The following MCTP1 variants were observed in gnomAD, a reference collection of about 807,000 sequenced individuals.
The protein encoded by MCTP1 is multiple C2 and transmembrane domain containing 1, also known as multiple C2 and transmembrane domain-containing protein 1.
A neutral mutation model predicts 120.6 loss-of-function variants in MCTP1; 69 were observed. That is an observed-to-expected ratio of 0.57 (90% CI 0.47 to 0.70). The LOEUF (loss-of-function observed/expected upper bound fraction) is 0.70. Among genes scored for constraint, MCTP1 ranks in the 30% least tolerant of loss-of-function variants. The probability of loss-of-function intolerance (pLI) is 0.00; values close to 1 mark genes in which losing one functional copy is unlikely to be tolerated. For missense variants in MCTP1, 1,203 were observed against 1,248.8 expected, an observed-to-expected ratio of 0.96 and a Z score of 0.55; for synonymous variants, 529 against 493.1, an observed-to-expected ratio of 1.07 and a Z score of -0.96.
intron 2 of MCTP1, among the ~76,000 whole-genome samples, chr5:95,004,915 C>T: frequency 6.6e-6 from 1 of 152,160 alleles, no homozygotes; most frequent in East Asian, 1.9e-4. Context: ...AGAGGGCAAC[C>T]AGACTCCAGA....
intron 1 of MCTP1, among the ~76,000 whole-genome samples, chr5:95,195,566 A>G (rs946403646): frequency 9.9e-5 from 15 of 152,208 alleles, no homozygotes; most frequent in African/African-American, 3.4e-4. Context: ...AGTGGGGAGC[A>G]GAAAGGGTTT....
At chr5:94,901,972 C>G (rs1347456075) in intron 10 of MCTP1, among the ~76,000 whole-genome samples, 1 of 152,110 alleles carries the variant, frequency 6.6e-6, no homozygotes, top group Non-Finnish European at 1.5e-5. Flanking sequence ...TCACATAGGC[C>G]TCAAGTATTT....
intron 1 of MCTP1, among the ~76,000 whole-genome samples, chr5:95,184,523 G>A (rs975213879): frequency 6.6e-6 from 1 of 152,110 alleles, no homozygotes; most frequent in Non-Finnish European, 1.5e-5. Context: ...CCGGGTGTAG[G>A]GCAAACTAAC....
intron 1 of MCTP1, among the ~76,000 whole-genome samples, chr5:95,176,841 A>C (rs1417379450): frequency 1.3e-5 from 2 of 152,054 alleles, no homozygotes; most frequent in Non-Finnish European, 2.9e-5. Context: ...ACTGTCTCAA[A>C]TATAAAAAAT....
chr5:95,076,605 C>T (rs1753638255), intron 1 of MCTP1, among the ~76,000 whole-genome samples: 1 of 152,110 alleles, frequency 6.6e-6, no homozygotes, highest in Non-Finnish European at 1.5e-5. Flanking sequence ...GTAATGCTGT[C>T]CACTGATTGC....
At chr5:94,947,577 T>TATATATATATATATATATATAGAG in intron 3 of MCTP1, among the ~76,000 whole-genome samples, 18 of 47,372 alleles carry the variant, frequency 3.8e-4, no homozygotes, top group Admixed American at 5.1e-4. Flanking sequence ...TATATATATA[T>TATATATATATATATATATATAGAG]AGAGAGAGAG....
At chr5:95,051,371 A>G (rs1183798503) in intron 1 of MCTP1, among the ~76,000 whole-genome samples, 2 of 152,056 alleles carry the variant, frequency 1.3e-5, no homozygotes, top group Non-Finnish European at 2.9e-5. Context: ...TCATTAAGAC[A>G]CTACAGACTA....
chr5:94,891,573 G>A (rs1420997616), intron 11 of MCTP1, among the ~76,000 whole-genome samples: 7 of 152,022 alleles, frequency 4.6e-5, no homozygotes, highest in Non-Finnish European at 8.8e-5. Flanking sequence ...CACATTGGTA[G>A]CCTCATTCCA....
At chr5:94,778,965 G>T (rs1028344170) in intron 19 of MCTP1, 145 bp downstream of exon 19, 84 of 678,176 alleles carry the variant, frequency 1.2e-4, no homozygotes, top group Non-Finnish European at 1.8e-4. Flanking sequence ...TTTGCAACAC[G>T]CAGTGGCATT....
chr5:95,043,466 C>G (rs1842673891), intron 1 of MCTP1, among the ~76,000 whole-genome samples: 1 of 152,096 alleles, frequency 6.6e-6, no homozygotes, highest in Non-Finnish European at 1.5e-5. Context: ...CCCTGACTCC[C>G]AATCCCCTGA....
At chr5:95,200,428 C>G (rs1750884527) in intron 1 of MCTP1, among the ~76,000 whole-genome samples, 1 of 152,112 alleles carries the variant, frequency 6.6e-6, no homozygotes, top group Non-Finnish European at 1.5e-5. Context: ...TCAAAATACC[C>G]AAGACATGAA....
At chr5:94,805,254 G>C (rs950033107) in intron 17 of MCTP1, among the ~76,000 whole-genome samples, 3 of 152,074 alleles carry the variant, frequency 2.0e-5, no homozygotes, top group African/African-American at 7.2e-5. Context: ...ATCCATTTGG[G>C]TCAGGCTTTA....
At chr5:94,756,764 G>A (rs1769989426) in intron 19 of MCTP1, among the ~76,000 whole-genome samples, 1 of 152,090 alleles carries the variant, frequency 6.6e-6, no homozygotes. Flanking sequence ...TGCCTGAATT[G>A]CTATATTTTA....
At position 94,858,012 on chromosome 5, in the gene MCTP1, T is replaced by C. The variant is rs1200655963; in HGVS notation, c.2436+10321A>G. Among the ~76,000 whole-genome samples, 3 of 151,804 alleles carry C rather than the reference T, an allele frequency of 2.0e-5. No homozygotes were observed. The South Asian group carries it at 6.2e-4, about 31-fold the overall frequency. ...AAGCTGGGTCACCAGTTTTTCTAAG[T>C]AATTCAAATACATACACTTTTTCCT... On this transcript the variant is annotated intron_variant, in intron 17 of 22. Coordinates refer to ENST00000515393, the MANE Select transcript of MCTP1 (RefSeq NM_024717.7).
At chr5:94,806,402 A>T (rs1440576963) in intron 17 of MCTP1, among the ~76,000 whole-genome samples, 6 of 152,234 alleles carry the variant, frequency 3.9e-5, no homozygotes, top group Non-Finnish European at 8.8e-5. Context: ...CATACTATAC[A>T]AAGTAGAGTG....
chr5:95,208,307 T>C (rs1562238558), intron 1 of MCTP1, among the ~76,000 whole-genome samples: 1 of 152,078 alleles, frequency 6.6e-6, no homozygotes, highest in Non-Finnish European at 1.5e-5. Flanking sequence ...GCAAGGCTGG[T>C]CTTGAACTCC....
chr5:94,839,314 T>C (rs985198761), intron 17 of MCTP1, among the ~76,000 whole-genome samples: 1 of 152,194 alleles, frequency 6.6e-6, no homozygotes, highest in African/African-American at 2.4e-5. Flanking sequence ...CATGTGCTTA[T>C]GTATACATCA....
At chr5:94,841,130 T>C (rs554078145) in intron 17 of MCTP1, among the ~76,000 whole-genome samples, 2 of 152,278 alleles carry the variant, frequency 1.3e-5, no homozygotes, top group East Asian at 1.9e-4. Context: ...CGAGTAGGTG[T>C]GCCCTTCCCT....
chr5:94,882,092 C>A (rs1043595008), intron 12 of MCTP1, among the ~76,000 whole-genome samples: 2 of 152,126 alleles, frequency 1.3e-5, no homozygotes, highest in African/African-American at 4.8e-5. Context: ...GTTTAGTACC[C>A]AGGAAAGACT....
Sources: allele counts gnomAD v4.1 joint callset (sites outside exome capture counted in the v4.1 genomes callset), GRCh38; gene constraint gnomAD v4.1.1; transcripts MANE v1.5; gene names NCBI Gene and HGNC (gene_info 2026-07-23, HGNC 2026-07-21).